The following MFAP3L variants were observed in gnomAD, a reference collection of about 807,000 sequenced individuals.
MFAP3L encodes the protein microfibrillar-associated protein 3-like.
MFAP3L carries 5 observed loss-of-function variants against 20.0 expected under a neutral mutation model. The observed-to-expected ratio is 0.25, with a 90% CI of 0.13 to 0.53. The LOEUF is 0.53. MFAP3L is among the 20% of genes least tolerant of loss of function. The probability of loss-of-function intolerance (pLI) is 0.96; values close to 1 mark genes in which losing one functional copy is unlikely to be tolerated. For synonymous variants in MFAP3L, 219 were observed against 213.0 expected, an observed-to-expected ratio of 1.03 and a Z score of -0.25; for missense variants, 409 against 527.5, an observed-to-expected ratio of 0.78 and a Z score of 2.20.
At chr4:170,001,684 T>C (rs1738629250) in intron 2 of MFAP3L, among the ~76,000 whole-genome samples, 1 of 152,372 alleles carries the variant, frequency 6.6e-6, no homozygotes, top group Middle Eastern at 3.4e-3. Flanking sequence ...TACTCACTTC[T>C]AGCAAAAGGA....
At chr4:170,013,140 T>C (rs1430809927) in intron 1 of MFAP3L, among the ~76,000 whole-genome samples, 1 of 152,226 alleles carries the variant, frequency 6.6e-6, no homozygotes, top group Non-Finnish European at 1.5e-5. Flanking sequence ...GTTCACATGG[T>C]ATGTTTTTCT....
intron 2 of MFAP3L, among the ~76,000 whole-genome samples, chr4:170,002,533 C>A (rs534277495): frequency 6.6e-6 from 1 of 151,944 alleles, no homozygotes; most frequent in African/African-American, 2.4e-5. Flanking sequence ...TTTTTTCAGA[C>A]AGAGTCTCGT....
chr4:169,991,651 C>T lies in MFAP3L; in HGVS notation c.957G>A (p.Val319=), dbSNP rs1291625165. 5 of 1,614,174 alleles carry T rather than the reference C, an allele frequency of 3.1e-6. No individual in the cohort carries two copies. The highest frequency in any genetic ancestry group is 1.1e-5 in the South Asian group (1 of 91,084). ...CTTTTTTGGACTGCGGGTGAACTGA[C>T]ACCTTGATGGCAATTTGCTGAGGTT... ...HEQPQQIAIK[V]SVHPQSKKEH... Residue 319 remains valine (V), a synonymous_variant, in exon 3 of 3, where the codon GTG becomes GTA. Coordinates refer to ENST00000361618, the MANE Select transcript of MFAP3L (RefSeq NM_021647.8). This position sits in a 1 kb window ranked among gnomAD's most constrained non-coding sequence, Gnocchi z 4.9.
intron 2 of MFAP3L, chr4:169,994,095 A>G: frequency 2.3e-6 from 2 of 879,192 alleles, no homozygotes; most frequent in South Asian, 5.2e-5. Flanking sequence ...GCAGGCATGG[A>G]CAAAAACAGA....
chr4:170,023,930 T>A (rs1740189451), intron 1 of MFAP3L, among the ~76,000 whole-genome samples: 1 of 152,202 alleles, frequency 6.6e-6, no homozygotes, highest in African/African-American at 2.4e-5. Context: ...GGGGGATAGA[T>A]CTATTTTTAA....
chr4:170,026,960 C>T (rs1730485487), upstream of MFAP3L: 1 of 152,204 alleles, frequency 6.6e-6, no homozygotes, highest in African/African-American at 2.4e-5. Context: ...TTAAACGTCT[C>T]TTAAAGCAAA....
intron 1 of MFAP3L, among the ~76,000 whole-genome samples, chr4:170,022,059 G>A (rs567203880): frequency 2.0e-5 from 3 of 152,334 alleles, no homozygotes; most frequent in South Asian, 2.1e-4. Flanking sequence ...TGCATGGTAC[G>A]CAGACAGCAG....
In MFAP3L at chr4:169,992,119, G is replaced by A. The variant is rs774370045; in HGVS notation, c.489C>T (p.Ile163=). ...GGCGGGTGATATTGAGGACCATGAC[G>A]ATGGTGAAGGCCACCAGGCACACGA... is the stretch of plus-strand genomic sequence containing the variant. ...YMVVCLVAFT[I]VMVLNITRLC... The change falls in exon 3 of 3, where the codon ATC becomes ATT. Residue 163 remains isoleucine, a synonymous_variant. Transcript: ENST00000361618. The surrounding 1 kb of genome is among the most constrained non-coding windows in gnomAD (Gnocchi z 4.3). 1.1e-5 allele frequency: 18 copies of A among 1,614,036 alleles called. No individual in the cohort carries two copies. Among genetic ancestry groups the A allele is most frequent in the Admixed American group, 6.7e-5 (4 of 60,000 alleles).
chr4:170,013,439 T>C (rs971108489), intron 1 of MFAP3L, among the ~76,000 whole-genome samples: 3 of 152,100 alleles, frequency 2.0e-5, no homozygotes, highest in African/African-American at 7.2e-5. Flanking sequence ...TCAAGCAAGA[T>C]AAAAACAGGT....
At chr4:170,005,191 G>T in intron 2 of MFAP3L, 1 of 212,198 alleles carries the variant, frequency 4.7e-6, no homozygotes, top group Non-Finnish European at 9.3e-6. Context: ...GAATTAAATG[G>T]ACATTTAATG....
chr4:169,996,537 C>T (rs184263854), intron 2 of MFAP3L, among the ~76,000 whole-genome samples: 2 of 152,122 alleles, frequency 1.3e-5, no homozygotes, highest in East Asian at 3.9e-4. Context: ...GCAAGGGCTT[C>T]CTAGAGGAGG....
intron 2 of MFAP3L, chr4:169,994,642 C>T (rs1738001509): frequency 5.6e-6 from 4 of 720,656 alleles, no homozygotes; most frequent in Non-Finnish European, 6.8e-6. Context: ...CAACTACTTA[C>T]AGGCACTTCA....
At chr4:170,025,338 G>A (rs1740285459) in intron 1 of MFAP3L, among the ~76,000 whole-genome samples, 1 of 152,196 alleles carries the variant, frequency 6.6e-6, no homozygotes, top group East Asian at 1.9e-4. Flanking sequence ...CTGAGCTTCT[G>A]CAATGCTCGG....
intron 1 of MFAP3L, among the ~76,000 whole-genome samples, chr4:170,006,347 A>G (rs1319880759): frequency 6.6e-6 from 1 of 152,118 alleles, no homozygotes; most frequent in South Asian, 2.1e-4. Context: ...TCCTGACCTC[A>G]GGTGATCCAC....
intron 1 of MFAP3L, among the ~76,000 whole-genome samples, chr4:170,018,287 T>A (rs1739822565): frequency 6.6e-6 from 1 of 152,160 alleles, no homozygotes; most frequent in Non-Finnish European, 1.5e-5. Context: ...GGCACGCAAG[T>A]AATAAAAACC....
chr4:170,024,782 G>A (rs1278299092), intron 1 of MFAP3L, among the ~76,000 whole-genome samples: 1 of 152,112 alleles, frequency 6.6e-6, no homozygotes, highest in South Asian at 2.1e-4. Flanking sequence ...ACTCTATACT[G>A]GGGGAAATCA....
chr4:170,025,217 T>C (rs1345589325), intron 1 of MFAP3L, among the ~76,000 whole-genome samples: 1 of 152,180 alleles, frequency 6.6e-6, no homozygotes, highest in Non-Finnish European at 1.5e-5. Context: ...TGAAACGACA[T>C]TTTTTTCCAT....
rs1257394756 is a variant in MFAP3L, at chr4:169,991,318, T to C, written c.*60A>G. The C allele has an allele frequency of 6.6e-7, 1 of 1,510,818 alleles. No homozygotes were observed. Among genetic ancestry groups the C allele is most frequent in the South Asian group, 1.3e-5 (1 of 79,994 alleles). 93.6% of individuals were successfully genotyped at this position (1,510,818 alleles called of 1,614,324 possible). On this transcript the variant is annotated 3_prime_UTR_variant, in exon 3 of 3. Coordinates refer to ENST00000361618, the MANE Select transcript of MFAP3L (RefSeq NM_021647.8). This position sits in a 1 kb window ranked among gnomAD's most constrained non-coding sequence, Gnocchi z 4.9. ...GGCTTAGCGGCAAGTGCGTACTACATCTGTATTACAAGGAGCAGCCCCTGA... is the reference window on the plus strand; with the variant it reads ...GGCTTAGCGGCAAGTGCGTACTACACCTGTATTACAAGGAGCAGCCCCTGA...
intron 2 of MFAP3L, among the ~76,000 whole-genome samples, chr4:169,994,758 A>G (rs1170352526): frequency 6.6e-6 from 1 of 152,272 alleles, no homozygotes; most frequent in Non-Finnish European, 1.5e-5. Context: ...GATGTCTAAC[A>G]GATAAATTAT....
Sources: gnomAD v4.1 joint callset for allele counts (sites outside exome capture counted in the v4.1 genomes callset) on GRCh38, gnomAD v4.1.1 for gene constraint, Gnocchi (gnomAD v3.1) non-coding constraint, MANE v1.5 for transcripts, NCBI Gene and HGNC (gene_info 2026-07-23, HGNC 2026-07-21) for gene names.